USO1: variants seen among roughly 807,000 people sequenced by gnomAD.
The protein encoded by USO1 is USO1 vesicle transport factor.
In USO1, 57 loss-of-function variants were observed where a neutral mutation model predicts 124.5. The ratio of observed to expected loss-of-function variants is 0.46; its 90% CI spans 0.37 to 0.57. The LOEUF (loss-of-function observed/expected upper bound fraction) is 0.57, where lower values mean the gene tolerates loss of function less well. Among genes scored for constraint, USO1 ranks in the 20% least tolerant of loss-of-function variants. The pLI is 0.00. For synonymous variants in USO1, 369 were observed against 362.8 expected, an observed-to-expected ratio of 1.02 and a Z score of -0.19; for missense variants, 900 against 1,040.6, an observed-to-expected ratio of 0.86 and a Z score of 1.86.
intron 1 of USO1, chr4:75,745,478 A>G (rs539582291): frequency 5.7e-5 from 23 of 403,514 alleles, no homozygotes; most frequent in South Asian, 9.2e-5. Context: ...TACATAGGAG[A>G]AAGAGTATGG....
At chr4:75,813,156 A>G (rs1316111206) in intron 23 of USO1, 50 bp from the exon 24 acceptor site, 3 of 1,561,282 alleles carry the variant, frequency 1.9e-6, no homozygotes, top group Non-Finnish European at 2.6e-6. Flanking sequence ...TAAATGTTGA[A>G]TGTGACATGA....
At chr4:75,789,178 A>G (rs1722457029) in intron 10 of USO1, among the ~76,000 whole-genome samples, 1 of 152,010 alleles carries the variant, frequency 6.6e-6, no homozygotes, top group African/African-American at 2.4e-5. Context: ...CTCCCCAGTT[A>G]TTATCATCAT....
chr4:75,783,640 T>G (rs1372694420), intron 9 of USO1, among the ~76,000 whole-genome samples: 2 of 152,202 alleles, frequency 1.3e-5, no homozygotes, highest in Non-Finnish European at 2.9e-5. Flanking sequence ...ACTAGATGGT[T>G]AGGTCCGCTA....
rs1720333238 is a variant in USO1 at position 75,724,666 on chromosome 4, T to C, written c.-154T>C. ...CGCTGCTGGCGGCTGTTTCCGGGCT[T>C]AGAGGGCTGGAGTGGCCGCCGAGTT... On this transcript the variant is annotated 5_prime_UTR_variant, in exon 1 of 24. The change abolishes the stop of an existing upstream ORF in the 5' untranslated region. Transcript: ENST00000514213. 5.8e-6 allele frequency: 4 copies of C among 688,536 alleles called. No homozygotes were observed. Among genetic ancestry groups the C allele is most frequent in the Non-Finnish European group, 9.7e-6 (4 of 413,394 alleles). The allele number at this position is 688,536 out of a possible 1,614,324, so 42.7% of individuals were successfully genotyped here.
At position 75,786,924 on chromosome 4, in the gene USO1, CGAAA is replaced by C. The variant is rs1722378161; in HGVS notation, c.856-131_856-128del. On this transcript the variant is annotated intron_variant, in intron 9 of 23. Transcript: ENST00000514213. ...CACAGAACTTATTGCCATGGGAGCA[CGAAA>C]GAAAGAGCACCTAAATGTAGCTAAG... 5.6e-6 allele frequency: 6 copies of C among 1,080,610 alleles called. No homozygotes were observed. The African/African-American group carries it at 9.9e-5, about 18-fold the overall frequency. The allele number at this position is 1,080,610 out of a possible 1,614,324, so 66.9% of individuals were successfully genotyped here.
At chr4:75,770,612 A>C (rs1721900749) in intron 5 of USO1, 73 bp downstream of exon 5, 2 of 1,503,646 alleles carry the variant, frequency 1.3e-6, no homozygotes, top group Admixed American at 2.4e-5. Context: ...TTATTGAGGA[A>C]GTAACATGTA....
At chr4:75,753,331 C>G (rs1025194445) in intron 3 of USO1, among the ~76,000 whole-genome samples, 1 of 151,664 alleles carries the variant, frequency 6.6e-6, no homozygotes, top group Admixed American at 6.6e-5. Context: ...GTCAGGAGTT[C>G]GAGACCAGCC....
At chr4:75,736,965 G>A (rs2149140954) in intron 1 of USO1, among the ~76,000 whole-genome samples, 1 of 152,240 alleles carries the variant, frequency 6.6e-6, no homozygotes, top group African/African-American at 2.4e-5. Context: ...AAGTCCAGTT[G>A]GGGAGGTTCA....
chr4:75,805,119 A>T, intron 18 of USO1, 21 bp from the exon 19 acceptor site: 1 of 1,527,638 alleles, frequency 6.5e-7, no homozygotes, highest in Non-Finnish European at 8.8e-7. Context: ...TGGCTTTTAA[A>T]ATGTTATGTC....
intron 21 of USO1, among the ~76,000 whole-genome samples, chr4:75,810,054 TTATC>T (rs1204091657): frequency 6.6e-6 from 1 of 152,258 alleles, no homozygotes; most frequent in East Asian, 1.9e-4. Context: ...TTGGCTCAAT[TTATC>T]TACCTATCTA....
At position 75,769,425 on chromosome 4, in the gene USO1, G is replaced by C. The variant is rs180690531; in HGVS notation, c.296-1014G>C. On this transcript the variant is annotated intron_variant, in intron 4 of 23. Transcript: ENST00000514213. Reference sequence around the variant, plus strand: ...CTTTTTCCTCTATAAACAATTAGATGGGATTATGACTGTCAATCTTGGATT... The same window carrying C: ...CTTTTTCCTCTATAAACAATTAGATCGGATTATGACTGTCAATCTTGGATT... 5.9e-5 allele frequency among the ~76,000 whole-genome samples: 9 copies of C among 152,182 alleles called. No individual in the cohort carries two copies. The East Asian group carries it at 1.7e-3, about 29-fold the overall frequency.
Position 75,813,481 on chromosome 4 carries a change from A to G in USO1, c.*186A>G. 4 of 496,788 alleles carry G rather than the reference A, an allele frequency of 8.1e-6. 1 individual carries two copies. The South Asian group carries it at 2.7e-4, about 33-fold the overall frequency. The allele number at this position is 496,788 out of a possible 1,614,324, so 30.8% of individuals were successfully genotyped here. A position where few individuals can be genotyped will look rare whatever the true frequency, so the allele number is the denominator to read the frequency against. On this transcript the variant is annotated 3_prime_UTR_variant, in exon 24 of 24. Coordinates refer to ENST00000514213, the MANE Select transcript of USO1 (RefSeq NM_003715.4). ...AAACCTTAAAACTGAATTTATGTAG[A>G]ACACACATCTTTTATTTAAATCCAT...
Position 75,790,645 on chromosome 4 carries a change from C to A in USO1, c.1088C>A (p.Pro363Gln). Residue 363 changes from proline (P) to glutamine (Q), a missense_variant and splice_region_variant, in exon 12 of 24, where the codon CCG becomes CAG. By Grantham distance (76) the Pro-to-Gln change is moderately conservative. Coordinates refer to ENST00000514213, the MANE Select transcript of USO1 (RefSeq NM_003715.4). ...SVNAPSNPPR[P>Q]AIVVLLMSMV... ...TCTTTTCTTTTTAAATGCAACAGAC[C>A]GGCAATTGTAGTACTTCTCATGTCC... 6 of 1,601,374 alleles carry A rather than the reference C, an allele frequency of 3.7e-6. No homozygotes were observed. The highest frequency in any genetic ancestry group is 1.1e-5 in the South Asian group (1 of 87,952).
At chr4:75,812,434 A>C in intron 23 of USO1, 59 bp downstream of exon 23, 1 of 1,509,378 alleles carries the variant, frequency 6.6e-7, no homozygotes, top group Non-Finnish European at 8.8e-7. Context: ...ATGCATTTAA[A>C]AGATTTTTAA....
At chr4:75,780,757 C>T (rs1281758741) in intron 8 of USO1, among the ~76,000 whole-genome samples, 3 of 144,116 alleles carry the variant, frequency 2.1e-5, no homozygotes, top group Middle Eastern at 4.2e-3. Context: ...AAGCAATTCT[C>T]GTACCTCAGC....
intron 13 of USO1, among the ~76,000 whole-genome samples, chr4:75,794,616 C>G (rs1225697182): frequency 6.6e-6 from 1 of 152,200 alleles, no homozygotes; most frequent in Non-Finnish European, 1.5e-5. Flanking sequence ...TAGAGTCACT[C>G]AGGGAAAGTA....
At chr4:75,774,868 G>A in intron 8 of USO1, 72 bp downstream of exon 8, 1 of 1,481,242 alleles carries the variant, frequency 6.8e-7, no homozygotes. Context: ...AGGGAATACA[G>A]TTGGAGGGAG....
chr4:75,731,463 G>T (rs1448169459), intron 1 of USO1, among the ~76,000 whole-genome samples: 3 of 151,928 alleles, frequency 2.0e-5, no homozygotes, highest in African/African-American at 7.3e-5. Flanking sequence ...TAGGGAGGCT[G>T]AGGCAGGAGA....
intron 1 of USO1, among the ~76,000 whole-genome samples, chr4:75,746,173 C>G (rs924310272): frequency 6.6e-6 from 1 of 152,168 alleles, no homozygotes; most frequent in African/African-American, 2.4e-5. Flanking sequence ...CTAATAACCA[C>G]CAGCCTAAGT....
Sources: allele counts gnomAD v4.1 joint callset (sites outside exome capture counted in the v4.1 genomes callset), GRCh38; gene constraint gnomAD v4.1.1; transcripts MANE v1.5; gene names NCBI Gene and HGNC (gene_info 2026-07-23, HGNC 2026-07-21).